AKAP19: variants seen among roughly 807,000 people sequenced by gnomAD.
The protein encoded by AKAP19 is small A-kinase anchoring protein.
the AKAP19 span, among the ~76,000 whole-genome samples, chr2:189,926,741 C>T: frequency 3.3e-4 from 49 of 150,492 alleles, 1 homozygote; most frequent in Admixed American, 2.4e-3. Context: ...CCACCATGCC[C>T]GGCTAATTTT....
At chr2:190,016,092 CTG>C in the AKAP19 span, among the ~76,000 whole-genome samples, 1 of 152,248 alleles carries the variant, frequency 6.6e-6, no homozygotes, top group East Asian at 1.9e-4. Context: ...GCCCTCCAAA[CTG>C]TTCCAACCTC....
the AKAP19 span, among the ~76,000 whole-genome samples, chr2:189,900,327 G>A: frequency 6.6e-6 from 1 of 151,078 alleles, no homozygotes; most frequent in East Asian, 1.9e-4. Context: ...AGAGCCTAAA[G>A]GTTAAAAAAA....
the AKAP19 span, among the ~76,000 whole-genome samples, chr2:189,977,736 C>T: frequency 6.6e-6 from 1 of 152,086 alleles, no homozygotes; most frequent in Non-Finnish European, 1.5e-5. Flanking sequence ...TCTTGGGGTA[C>T]TTGAACATTT....
At chr2:190,129,206 C>T in the AKAP19 span, among the ~76,000 whole-genome samples, 1 of 151,952 alleles carries the variant, frequency 6.6e-6, no homozygotes. Flanking sequence ...TTAATTAATT[C>T]CTTATTTATG....
the AKAP19 span, among the ~76,000 whole-genome samples, chr2:190,048,238 C>G: frequency 7.2e-5 from 11 of 152,250 alleles, no homozygotes; most frequent in African/African-American, 2.6e-4. Flanking sequence ...GGAATGCAAG[C>G]TCCTTTTAAT....
chr2:189,922,117 A>C, the AKAP19 span, among the ~76,000 whole-genome samples: 2 of 152,186 alleles, frequency 1.3e-5, no homozygotes, highest in African/African-American at 4.8e-5. Context: ...AAATTGGCAG[A>C]AGAAATAGCA....
the AKAP19 span, among the ~76,000 whole-genome samples, chr2:189,886,620 A>G: frequency 6.6e-6 from 1 of 152,216 alleles, no homozygotes; most frequent in Non-Finnish European, 1.5e-5. Flanking sequence ...GGATCAGAAT[A>G]AATAAACGTC....
At chr2:190,195,743 A>G in the AKAP19 span, among the ~76,000 whole-genome samples, 23 of 152,146 alleles carry the variant, frequency 1.5e-4, no homozygotes, top group African/African-American at 4.8e-4. Context: ...TCTTAAACAG[A>G]GCAGTTTTTT....
At chr2:190,031,162 C>A in the AKAP19 span, among the ~76,000 whole-genome samples, 1 of 152,120 alleles carries the variant, frequency 6.6e-6, no homozygotes, top group Non-Finnish European at 1.5e-5. Flanking sequence ...GCAGCATTAA[C>A]AAAGGCTTGA....
the AKAP19 span, among the ~76,000 whole-genome samples, chr2:190,035,867 T>C: frequency 6.6e-6 from 1 of 152,226 alleles, no homozygotes; most frequent in Admixed American, 6.5e-5. Context: ...GTGAAGCAAC[T>C]CTGAACATTC....
At chr2:190,059,076 T>G in the AKAP19 span, among the ~76,000 whole-genome samples, 1 of 151,708 alleles carries the variant, frequency 6.6e-6, no homozygotes, top group Admixed American at 6.6e-5. Context: ...TTAAAGAATG[T>G]TTTATTTAGA....
chr2:190,195,917 G>C, the AKAP19 span, among the ~76,000 whole-genome samples: 1 of 146,644 alleles, frequency 6.8e-6, no homozygotes, highest in African/African-American at 2.5e-5. Flanking sequence ...TTAATTTTGT[G>C]AAGGGTTTAA....
At chr2:190,135,302 GA>G in the AKAP19 span, among the ~76,000 whole-genome samples, 1 of 152,102 alleles carries the variant, frequency 6.6e-6, no homozygotes, top group South Asian at 2.1e-4. Context: ...TTAAGGTGTG[GA>G]ACGTGGTTTT....
At chr2:190,184,340 A>C in the AKAP19 span, among the ~76,000 whole-genome samples, 1 of 152,204 alleles carries the variant, frequency 6.6e-6, no homozygotes, top group Non-Finnish European at 1.5e-5. Flanking sequence ...ACACTACTGC[A>C]AGTTTGTAGT....
chr2:190,157,393 C>CACACACACACACGT, the AKAP19 span, among the ~76,000 whole-genome samples: 1 of 149,236 alleles, frequency 6.7e-6, no homozygotes, highest in Non-Finnish European at 1.5e-5. Flanking sequence ...CACACACACA[C>CACACACACACACGT]ATATCACAGG....
the AKAP19 span, among the ~76,000 whole-genome samples, chr2:189,941,692 A>G: frequency 6.6e-6 from 1 of 152,238 alleles, no homozygotes; most frequent in African/African-American, 2.4e-5. Context: ...ATAAAAAGCA[A>G]TGAATTAAAC....
chr2:190,181,190 T>G, the AKAP19 span: 5 of 976,334 alleles, frequency 5.1e-6, no homozygotes, highest in Non-Finnish European at 6.1e-6. Context: ...GCCTTTTAGA[T>G]TTTTCAATGG....
chr2:190,150,516 G>A, the AKAP19 span: 1 of 152,272 alleles, frequency 6.6e-6, no homozygotes, highest in African/African-American at 2.4e-5. Context: ...TGGGAAAGGA[G>A]GGTCTCCCTT....
the AKAP19 span, among the ~76,000 whole-genome samples, chr2:190,019,479 C>A: frequency 6.6e-6 from 1 of 152,120 alleles, no homozygotes; most frequent in Non-Finnish European, 1.5e-5. Context: ...GTGGGAACAA[C>A]CAGCTTAGCT....
Sources: gnomAD v4.1 joint callset for allele counts (sites outside exome capture counted in the v4.1 genomes callset) on GRCh38, gnomAD v4.1.1 for gene constraint, MANE v1.5 for transcripts, NCBI Gene and HGNC (gene_info 2026-07-23, HGNC 2026-07-21) for gene names.